LHFPL6: variants seen among roughly 807,000 people sequenced by gnomAD.
LHFPL6 encodes LHFPL tetraspan subfamily member 6 protein.
In LHFPL6, 9 loss-of-function variants were observed where a neutral mutation model predicts 20.6. That is an observed-to-expected ratio of 0.44 (90% CI 0.26 to 0.76). The LOEUF (loss-of-function observed/expected upper bound fraction) is 0.76. LHFPL6 is among the 30% of genes least tolerant of loss of function. LHFPL6 has a pLI of 0.20. For missense variants in LHFPL6, 218 were observed against 253.5 expected (o/e 0.86, Z 0.95); for synonymous variants, 105 against 98.7 (o/e 1.06, Z -0.38).
At chr13:39,562,597 TACACATATACATATATACACATATATAC>T (rs1871561479) in intron 2 of LHFPL6, among the ~76,000 whole-genome samples, 3 of 60,328 alleles carry the variant, frequency 5.0e-5, no homozygotes, top group East Asian at 8.0e-4. Flanking sequence ...TATACATATA[TACACATATACATATATACACATATATAC>T]ACACATATAT....
chr13:39,565,034 C>A (rs1472384387), intron 2 of LHFPL6, among the ~76,000 whole-genome samples: 2 of 152,182 alleles, frequency 1.3e-5, no homozygotes, highest in African/African-American at 4.8e-5. Context: ...AACATCTCTT[C>A]TACATTCCAA....
chr13:39,375,554 G>C (rs1353041834), intron 3 of LHFPL6, among the ~76,000 whole-genome samples: 2 of 152,114 alleles, frequency 1.3e-5, no homozygotes, highest in East Asian at 3.9e-4. Flanking sequence ...AGCTGGGCCT[G>C]GTGGCGGGTG....
At chr13:39,368,575 C>T (rs1050400415) in intron 3 of LHFPL6, among the ~76,000 whole-genome samples, 3 of 151,358 alleles carry the variant, frequency 2.0e-5, no homozygotes, top group African/African-American at 4.9e-5. Flanking sequence ...AGTGAGACTC[C>T]GTCTCAACAA....
chr13:39,348,943 T>A (rs544424778), intron 3 of LHFPL6, among the ~76,000 whole-genome samples: 1 of 152,308 alleles, frequency 6.6e-6, no homozygotes, highest in South Asian at 2.1e-4. Context: ...GTCTATCAGA[T>A]GAAAACTGGC....
chr13:39,439,008 G>A (rs1872040624), intron 2 of LHFPL6, among the ~76,000 whole-genome samples: 1 of 152,172 alleles, frequency 6.6e-6, no homozygotes, highest in African/African-American at 2.4e-5. Context: ...TAGTGGAGCT[G>A]TGAAAAGAGG....
intron 2 of LHFPL6, among the ~76,000 whole-genome samples, chr13:39,526,256 T>A (rs983798323): frequency 6.6e-6 from 1 of 152,196 alleles, no homozygotes; most frequent in African/African-American, 2.4e-5. Flanking sequence ...TTCTAGTTGA[T>A]CTGAAACGAA....
At chr13:39,537,018 C>T (rs1247042658) in intron 2 of LHFPL6, among the ~76,000 whole-genome samples, 1 of 152,210 alleles carries the variant, frequency 6.6e-6, no homozygotes, top group Non-Finnish European at 1.5e-5. Flanking sequence ...ACGTTCCCTC[C>T]ATGGGGCCTG....
intron 2 of LHFPL6, among the ~76,000 whole-genome samples, chr13:39,513,547 G>A (rs1048987338): frequency 1.3e-5 from 2 of 152,156 alleles, no homozygotes; most frequent in African/African-American, 4.8e-5. Flanking sequence ...TCTAGAGGGT[G>A]CTTACTAATC....
chr13:39,562,653 CATATACACAT>C (rs1472170260), intron 2 of LHFPL6, among the ~76,000 whole-genome samples: 1 of 125,374 alleles, frequency 8.0e-6, no homozygotes, highest in African/African-American at 2.8e-5. Context: ...TATATACACA[CATATACACAT>C]ATATACACAC....
intron 2 of LHFPL6, among the ~76,000 whole-genome samples, chr13:39,523,257 A>G (rs558339578): frequency 6.6e-6 from 1 of 152,298 alleles, no homozygotes; most frequent in South Asian, 2.1e-4. Flanking sequence ...AAACACCGAC[A>G]ATGTGACACA....
At chr13:39,586,429 T>C (rs572342706) in intron 2 of LHFPL6, among the ~76,000 whole-genome samples, 1 of 152,316 alleles carries the variant, frequency 6.6e-6, no homozygotes, top group South Asian at 2.1e-4. Flanking sequence ...CATACCATGG[T>C]AACGACAATA....
At chr13:39,425,979 A>G (rs1871624969) in intron 2 of LHFPL6, among the ~76,000 whole-genome samples, 1 of 152,056 alleles carries the variant, frequency 6.6e-6, no homozygotes, top group African/African-American at 2.4e-5. Context: ...CATTCTGTTA[A>G]TAGTCTTTTT....
At chr13:39,382,095 T>C (rs1340498627) in intron 2 of LHFPL6, among the ~76,000 whole-genome samples, 2 of 152,200 alleles carry the variant, frequency 1.3e-5, no homozygotes, top group East Asian at 3.9e-4. Context: ...GACTTACGTA[T>C]GGAAGTATGG....
intron 2 of LHFPL6, among the ~76,000 whole-genome samples, chr13:39,468,720 AC>A (rs1872866558): frequency 6.6e-6 from 1 of 152,110 alleles, no homozygotes; most frequent in African/African-American, 2.4e-5. Context: ...CTCATTAACA[AC>A]CACTTATGAC....
intron 2 of LHFPL6, among the ~76,000 whole-genome samples, chr13:39,454,489 C>T (rs1872522022): frequency 1.1e-5 from 1 of 87,262 alleles, no homozygotes; most frequent in African/African-American, 6.3e-5. Flanking sequence ...ATTAGCCGGG[C>T]GTAGTGGCGG....
chr13:39,479,034 TATAGATAGATAGATAG>T (rs34879497), intron 2 of LHFPL6, among the ~76,000 whole-genome samples: 113 of 144,058 alleles, frequency 7.8e-4, no homozygotes, highest in East Asian at 1.2e-3. Context: ...GGGAGATAGA[TATAGATAGATAGATAG>T]ATAGATAGAT....
chr13:39,368,548 C>G (rs1870069601), intron 3 of LHFPL6, among the ~76,000 whole-genome samples: 1 of 152,182 alleles, frequency 6.6e-6, no homozygotes, highest in Non-Finnish European at 1.5e-5. Context: ...CGCCACTGCA[C>G]TCCAGCCTGG....
chr13:39,396,825 G>C (rs752360780), intron 2 of LHFPL6, among the ~76,000 whole-genome samples: 1 of 151,988 alleles, frequency 6.6e-6, no homozygotes, highest in Non-Finnish European at 1.5e-5. Flanking sequence ...AAGACAGGCA[G>C]GTGAAGACAC....
chr13:39,569,156 C>CGGACGGACGGACGGAT, intron 2 of LHFPL6, among the ~76,000 whole-genome samples: 1 of 97,356 alleles, frequency 1.0e-5, no homozygotes, highest in African/African-American at 4.0e-5. Context: ...GATGGACGGA[C>CGGACGGACGGACGGAT]GGATGGATGG....
Sources: gnomAD v4.1 joint callset for allele counts (sites outside exome capture counted in the v4.1 genomes callset) on GRCh38, gnomAD v4.1.1 for gene constraint, MANE v1.5 for transcripts, NCBI Gene and HGNC (gene_info 2026-07-23, HGNC 2026-07-21) for gene names.